The following SEMA4A variants were observed in gnomAD, a reference collection of about 807,000 sequenced individuals.
SEMA4A encodes the protein semaphorin-4A.
In SEMA4A, 52 loss-of-function variants were observed where a neutral mutation model predicts 72.5. That is an observed-to-expected ratio of 0.72 (90% CI 0.57 to 0.90). The LOEUF is 0.90. Ranked by LOEUF, SEMA4A falls within the 40% of genes least tolerant of loss-of-function variation. SEMA4A has a pLI of 0.00. For missense variants in SEMA4A, 926 were observed against 959.7 expected, an observed-to-expected ratio of 0.96 and a Z score of 0.46; for synonymous variants, 369 against 393.1, an observed-to-expected ratio of 0.94 and a Z score of 0.73.
At chr1:156,164,885 C>T (rs1035090199) in intron 10 of SEMA4A, among the ~76,000 whole-genome samples, 4 of 152,042 alleles carry the variant, frequency 2.6e-5, no homozygotes, top group Admixed American at 2.0e-4. Flanking sequence ...GCTGCAACCT[C>T]GGCCTCCTGG....
chr1:156,159,311 G>A (rs1014323875), intron 6 of SEMA4A, among the ~76,000 whole-genome samples: 2 of 151,910 alleles, frequency 1.3e-5, no homozygotes, highest in South Asian at 2.1e-4. Flanking sequence ...TCCAGCCTGC[G>A]CAACAAAGCA....
At chr1:156,168,662 T>C (rs1157629982) in intron 10 of SEMA4A, among the ~76,000 whole-genome samples, 1 of 152,210 alleles carries the variant, frequency 6.6e-6, no homozygotes, top group Non-Finnish European at 1.5e-5. Flanking sequence ...GTGGGAGACC[T>C]TGAAGCTGTT....
In SEMA4A at chr1:156,161,010, G is replaced by A. The variant is rs781401908; in HGVS notation, c.791G>A (p.Arg264Gln). Reference protein sequence around the residue: ...FDFFERLHTSRVARVCKNDVG... With the variant: ...FDFFERLHTSQVARVCKNDVG... ...TTCTTTGAGAGGCTCCACACATCGC[G>A]GGTGGCTAGAGTCTGCAAGGTCCGC... The change falls in exon 8 of 15, where the codon CGG becomes CAG. Residue 264 changes from arginine (R) to glutamine (Q), a missense_variant. By Grantham distance (43) the Arg-to-Gln change is conservative. Transcript: ENST00000368285. 1 of 1,611,256 alleles carries A rather than the reference G, an allele frequency of 6.2e-7. No homozygotes were observed. The highest frequency in any genetic ancestry group is 8.5e-7 in the Non-Finnish European group (1 of 1,179,204).
At chr1:156,154,498 G>T (rs775819895) in intron 1 of SEMA4A, 52 bp from the exon 2 acceptor site, 20 of 1,506,328 alleles carry the variant, frequency 1.3e-5, no homozygotes, top group Non-Finnish European at 1.7e-5. Context: ...TCCTCGGGGG[G>T]ATGTGGTAAG....
chr1:156,156,328 C>G (rs1653022796), intron 2 of SEMA4A, 86 bp from the exon 3 acceptor site: 2 of 1,350,102 alleles, frequency 1.5e-6, no homozygotes, highest in Admixed American at 3.4e-5. Context: ...CTCAGGCAAC[C>G]CTTCCCCTTC....
Position 156,177,124 on chromosome 1 carries a change from C to A in SEMA4A, c.*127C>A. On this transcript the variant is annotated 3_prime_UTR_variant, in exon 15 of 15. Coordinates refer to ENST00000368285, the MANE Select transcript of SEMA4A (RefSeq NM_022367.4). ...CTTTCTCCCCTGAGAGGAGCTTCTG[C>A]TACTCTGCATCACTGATGACACTCA... The A allele has an allele frequency of 1.2e-6, 1 of 825,936 alleles. No homozygotes were observed. Among genetic ancestry groups the A allele is most frequent in the Non-Finnish European group, 2.0e-6 (1 of 499,038 alleles). The allele number at this position is 825,936 out of a possible 1,614,324, so 51.2% of individuals were successfully genotyped here.
At chr1:156,174,704 G>C in intron 11 of SEMA4A, 118 bp from the exon 12 acceptor site, 1 of 1,212,194 alleles carries the variant, frequency 8.2e-7, no homozygotes, top group African/African-American at 1.5e-5. Flanking sequence ...TGGCTGACCC[G>C]CGCCCAGTAC....
chr1:156,175,062 T>C (rs2103009306), intron 12 of SEMA4A, 24 bp from the exon 13 acceptor site: 19 of 1,614,208 alleles, frequency 1.2e-5, no homozygotes, highest in Non-Finnish European at 1.6e-5. Context: ...TGGGGCTCCC[T>C]GACAATCTCC....
At chr1:156,154,498 G>A (rs775819895) in intron 1 of SEMA4A, 52 bp from the exon 2 acceptor site, 21 of 1,506,328 alleles carry the variant, frequency 1.4e-5, no homozygotes, top group Non-Finnish European at 1.8e-5. Context: ...TCCTCGGGGG[G>A]ATGTGGTAAG....
intron 9 of SEMA4A, 87 bp downstream of exon 9, chr1:156,161,605 A>G: frequency 3.5e-6 from 5 of 1,444,888 alleles, no homozygotes; most frequent in Non-Finnish European, 4.8e-6. Flanking sequence ...AGGAATTGAC[A>G]TGAGCCAGCA....
chr1:156,169,979 C>A (rs921391616), intron 10 of SEMA4A, among the ~76,000 whole-genome samples: 108 of 151,344 alleles, frequency 7.1e-4, no homozygotes, highest in African/African-American at 2.6e-3. Context: ...GAGCCGAGAT[C>A]GTGCCACTGC....
At chr1:156,153,117 G>A (rs1438737630), upstream of SEMA4A, among the ~76,000 whole-genome samples, 1 of 152,110 alleles carries the variant, frequency 6.6e-6, no homozygotes, top group African/African-American at 2.4e-5. Flanking sequence ...ATGGAGATTA[G>A]ACTGCAAGGG....
chr1:156,158,515 C>A (rs1653261820), intron 5 of SEMA4A, 29 bp downstream of exon 5: 4 of 1,547,160 alleles, frequency 2.6e-6, no homozygotes, highest in African/African-American at 2.7e-5. Flanking sequence ...AGCGCTCAGG[C>A]CCCCAAGCAT....
intron 13 of SEMA4A, 142 bp downstream of exon 13, chr1:156,175,385 G>T: frequency 8.2e-7 from 1 of 1,225,934 alleles, no homozygotes. Context: ...GTTCCTCCAG[G>T]GATGGAGTTT....
At position 156,177,339 on chromosome 1, in the gene SEMA4A, A is replaced by G; in HGVS notation, c.*342A>G. 2.5e-6 allele frequency: 1 copy of G among 406,412 alleles called. No individual in the cohort carries two copies. Among genetic ancestry groups the G allele is most frequent in the South Asian group, 2.3e-5 (1 of 43,706 alleles). 25.2% of individuals were successfully genotyped at this position (406,412 alleles called of 1,614,324 possible). On this transcript the variant is annotated 3_prime_UTR_variant, in exon 15 of 15. Transcript: ENST00000368285. Reference sequence around the variant, plus strand: ...CACAGTGTTTCAAGAGACCCTAAAAAACCTGCCTGTCCCAGGACCCTATGG... The same window carrying G: ...CACAGTGTTTCAAGAGACCCTAAAAGACCTGCCTGTCCCAGGACCCTATGG...
chr1:156,158,224 G>C (rs533869618), intron 4 of SEMA4A, 92 bp downstream of exon 4: 1 of 1,426,864 alleles, frequency 7.0e-7, no homozygotes, highest in African/African-American at 1.4e-5. Context: ...GGCGGCAGTG[G>C]AGGGCACTTG....
At chr1:156,159,492 G>A (rs963984443) in intron 6 of SEMA4A, among the ~76,000 whole-genome samples, 2 of 152,154 alleles carry the variant, frequency 1.3e-5, no homozygotes, top group African/African-American at 4.8e-5. Context: ...GAGAGACAGA[G>A]GCACGAGGGC....
intron 9 of SEMA4A, among the ~76,000 whole-genome samples, chr1:156,162,544 C>T (rs958043991): frequency 2.6e-5 from 4 of 152,180 alleles, no homozygotes; most frequent in African/African-American, 9.7e-5. Flanking sequence ...AGGCACTGGT[C>T]GGTTCTCTGA....
chr1:156,157,640 T>G lies in SEMA4A; in HGVS notation c.301-430T>G, dbSNP rs1043833601. On this transcript the variant is annotated intron_variant, in intron 3 of 14. Transcript: ENST00000368285. The surrounding 1 kb of genome is among the most constrained non-coding windows in gnomAD (Gnocchi z 4.5). ...GCACATATGAGATGCTGGTTAAAAA[T>G]GCAGATTCTCTAAGGCGTGACCCAG... 2.0e-5 allele frequency among the ~76,000 whole-genome samples: 3 copies of G among 152,248 alleles called. No homozygotes were observed. Among genetic ancestry groups the G allele is most frequent in the Admixed American group, 2.0e-4 (3 of 15,282 alleles).
Sources: allele counts gnomAD v4.1 joint callset (sites outside exome capture counted in the v4.1 genomes callset), GRCh38; gene constraint gnomAD v4.1.1; non-coding constraint Gnocchi (gnomAD v3.1); transcripts MANE v1.5; gene names NCBI Gene and HGNC (gene_info 2026-07-23, HGNC 2026-07-21).